Variants in POU2AF2 observed in about 807,000 individuals in gnomAD.
POU2AF2 encodes POU domain class 2-associating factor 2.
chr11:111,268,477 T>TTTTTTTTTTTATTTTA, the POU2AF2 span, among the ~76,000 whole-genome samples: 1 of 77,528 alleles, frequency 1.3e-5, no homozygotes, highest in Admixed American at 1.7e-4. Flanking sequence ...CATTTTTCTT[T>TTTTTTTTTTTATTTTA]TTTTATTTTA....
the POU2AF2 span, among the ~76,000 whole-genome samples, chr11:111,271,842 GTC>G: frequency 6.6e-6 from 1 of 151,852 alleles, no homozygotes; most frequent in Non-Finnish European, 1.5e-5. Flanking sequence ...GTGAAACCCC[GTC>G]TCTACTAAAT....
the POU2AF2 span, among the ~76,000 whole-genome samples, chr11:111,257,361 C>CT: frequency 0.037 from 5,297 of 141,656 alleles, 110 homozygotes; most frequent in South Asian, 0.072. Flanking sequence ...TTTATGTTAT[C>CT]TTTTTTTTTT....
chr11:111,250,090 T>C, the POU2AF2 span, among the ~76,000 whole-genome samples: 1 of 152,174 alleles, frequency 6.6e-6, no homozygotes, highest in Non-Finnish European at 1.5e-5. Flanking sequence ...AGCCAACATA[T>C]TAAAAACTGC....
the POU2AF2 span, among the ~76,000 whole-genome samples, chr11:111,250,641 G>A: frequency 6.6e-6 from 1 of 152,198 alleles, no homozygotes; most frequent in Non-Finnish European, 1.5e-5. Context: ...AAATGATATA[G>A]GACATAATAG....
At chr11:111,251,293 A>G in the POU2AF2 span, among the ~76,000 whole-genome samples, 6 of 152,194 alleles carry the variant, frequency 3.9e-5, no homozygotes, top group African/African-American at 1.4e-4. Context: ...GGAGCCTAGA[A>G]TGACTCTACA....
At chr11:111,284,312 A>G in the POU2AF2 span, 4 of 1,611,650 alleles carry the variant, frequency 2.5e-6, no homozygotes, top group African/African-American at 4.0e-5. Flanking sequence ...CTCTCTGTTC[A>G]GCGCCTCGCC....
chr11:111,264,577 GGA>G, the POU2AF2 span, among the ~76,000 whole-genome samples: 1 of 22,930 alleles, frequency 4.4e-5, no homozygotes, highest in Non-Finnish European at 9.1e-5. Context: ...AGAAAGAAAG[GGA>G]GAGAGAAAGA....
At chr11:111,284,039 G>A in the POU2AF2 span, 5 of 1,594,668 alleles carry the variant, frequency 3.1e-6, no homozygotes, top group African/African-American at 1.3e-5. Flanking sequence ...CGCCCTGGGA[G>A]GAATTTTCTG....
At chr11:111,250,048 T>A in the POU2AF2 span, among the ~76,000 whole-genome samples, 29 of 152,342 alleles carry the variant, frequency 1.9e-4, no homozygotes, top group Non-Finnish European at 3.2e-4. Context: ...AATATTTTTA[T>A]TTTTTATTTT....
chr11:111,285,855 A>C, the POU2AF2 span: 2 of 1,610,044 alleles, frequency 1.2e-6, no homozygotes, highest in South Asian at 2.2e-5. Flanking sequence ...GAAGATCTGC[A>C]CCACACTCCG....
the POU2AF2 span, among the ~76,000 whole-genome samples, chr11:111,276,632 A>AT: frequency 2.2e-5 from 3 of 136,930 alleles, no homozygotes; most frequent in South Asian, 2.5e-4. Context: ...ACAGTGTGAG[A>AT]TTCCATCACA....
the POU2AF2 span, among the ~76,000 whole-genome samples, chr11:111,270,232 T>C: frequency 1.3e-5 from 2 of 152,230 alleles, no homozygotes; most frequent in African/African-American, 4.8e-5. Context: ...AACAAGTTAA[T>C]GAATACCAAA....
chr11:111,276,439 G>GAAAAAA, the POU2AF2 span, among the ~76,000 whole-genome samples: 90 of 44,378 alleles, frequency 2.0e-3, 4 homozygotes, highest in South Asian at 6.2e-3. Context: ...CTACTAAAAA[G>GAAAAAA]AAAAAAAAAA....
the POU2AF2 span, among the ~76,000 whole-genome samples, chr11:111,273,549 G>A: frequency 6.6e-6 from 1 of 152,174 alleles, no homozygotes; most frequent in African/African-American, 2.4e-5. Context: ...ATATCTTTAA[G>A]TTTGAAGACT....
the POU2AF2 span, among the ~76,000 whole-genome samples, chr11:111,275,082 C>T: frequency 6.6e-6 from 1 of 152,168 alleles, no homozygotes; most frequent in Admixed American, 6.5e-5. Context: ...TGAATTACTT[C>T]TGTTATAATT....
At chr11:111,282,961 C>T in the POU2AF2 span, among the ~76,000 whole-genome samples, 1 of 151,824 alleles carries the variant, frequency 6.6e-6, no homozygotes, top group African/African-American at 2.4e-5. Context: ...AGCAAACACA[C>T]CTTTTTCCTT....
chr11:111,285,597 G>C, the POU2AF2 span: 1 of 1,561,898 alleles, frequency 6.4e-7, no homozygotes, highest in Middle Eastern at 1.7e-4. Context: ...AGCACACAAT[G>C]TATCATCAGA....
the POU2AF2 span, among the ~76,000 whole-genome samples, chr11:111,267,638 G>C: frequency 2.0e-5 from 3 of 152,064 alleles, no homozygotes; most frequent in East Asian, 5.8e-4. Flanking sequence ...GCCCCCTTTC[G>C]AGGGCTGGAA....
At chr11:111,250,409 CTG>C in the POU2AF2 span, among the ~76,000 whole-genome samples, 1 of 152,220 alleles carries the variant, frequency 6.6e-6, no homozygotes, top group South Asian at 2.1e-4. Flanking sequence ...ACAACATAAA[CTG>C]TAAATTTTTG....
Sources: allele counts gnomAD v4.1 joint callset (sites outside exome capture counted in the v4.1 genomes callset), GRCh38; gene constraint gnomAD v4.1.1; transcripts MANE v1.5; gene names NCBI Gene and HGNC (gene_info 2026-07-23, HGNC 2026-07-21).